Variants in SLC25A44 observed in about 807,000 individuals in gnomAD.
The protein encoded by SLC25A44 is solute carrier family 25 member 44.
In SLC25A44, 17 loss-of-function variants were observed where a neutral mutation model predicts 29.9. The ratio of observed to expected loss-of-function variants is 0.57; its 90% CI spans 0.39 to 0.85. The LOEUF (loss-of-function observed/expected upper bound fraction) is 0.85. Among genes scored for constraint, SLC25A44 ranks in the 40% least tolerant of loss-of-function variants. The probability of loss-of-function intolerance (pLI) is 0.00; values close to 1 mark genes in which losing one functional copy is unlikely to be tolerated. For missense variants in SLC25A44, 302 were observed against 398.4 expected, an observed-to-expected ratio of 0.76 and a Z score of 2.06; for synonymous variants, 140 against 151.8, an observed-to-expected ratio of 0.92 and a Z score of 0.57.
intron 2 of SLC25A44, among the ~76,000 whole-genome samples, chr1:156,200,770 T>G (rs1202073597): frequency 6.6e-6 from 1 of 151,880 alleles, no homozygotes; most frequent in Non-Finnish European, 1.5e-5. Flanking sequence ...CCATGGGATG[T>G]TTAGGATTTG....
chr1:156,200,905 G>GGCTCA (rs1459923989), intron 2 of SLC25A44, among the ~76,000 whole-genome samples: 2 of 133,474 alleles, frequency 1.5e-5, no homozygotes, highest in African/African-American at 5.5e-5. Context: ...GTGAGATCTT[G>GGCTCA]GCTCACTGCA....
chr1:156,201,786 C>T (rs1656600968), intron 2 of SLC25A44, among the ~76,000 whole-genome samples: 2 of 152,130 alleles, frequency 1.3e-5, no homozygotes, highest in South Asian at 2.1e-4. Context: ...TCTACCCTGA[C>T]CCTTTAATGT....
At chr1:156,195,526 G>T (rs2984615) in intron 1 of SLC25A44, among the ~76,000 whole-genome samples, 1 of 152,040 alleles carries the variant, frequency 6.6e-6, no homozygotes, top group East Asian at 1.9e-4. Flanking sequence ...ATTTCCGGTT[G>T]CGGCAGTACC....
chr1:156,194,166 A>G lies in SLC25A44; in HGVS notation c.-95A>G, dbSNP rs79014111. On this transcript the variant is annotated 5_prime_UTR_variant, in exon 1 of 4. Transcript: ENST00000359511. Reference sequence around the variant, plus strand: ...CGGCAGACGGCATTCGCTGGGAACGACGGATAGACTGGGGGCTGCGGCCTA... The same window carrying G: ...CGGCAGACGGCATTCGCTGGGAACGGCGGATAGACTGGGGGCTGCGGCCTA... The G allele has an allele frequency of 3.0e-3, 466 of 152,910 alleles. 3 individuals are homozygous for G. The highest frequency in any genetic ancestry group is 0.014 in the East Asian group (75 of 5,316). The allele number at this position is 152,910 out of a possible 1,614,324, so 9.5% of individuals were successfully genotyped here. A position where few individuals can be genotyped will look rare whatever the true frequency, so the allele number is the denominator to read the frequency against.
intron 1 of SLC25A44, chr1:156,199,536 G>A: frequency 2.6e-6 from 1 of 383,858 alleles, no homozygotes; most frequent in Non-Finnish European, 4.7e-6. Context: ...TGTAAGCTGG[G>A]GTAGGGAGCC....
At chr1:156,195,035 A>T (rs1280463036) in intron 1 of SLC25A44, among the ~76,000 whole-genome samples, 1 of 152,084 alleles carries the variant, frequency 6.6e-6, no homozygotes, top group Non-Finnish European at 1.5e-5. Context: ...ACTTTCTGTA[A>T]TGATAATGCT....
intron 2 of SLC25A44, among the ~76,000 whole-genome samples, chr1:156,207,216 C>T (rs1296889511): frequency 6.7e-6 from 1 of 148,406 alleles, no homozygotes; most frequent in East Asian, 2.0e-4. Context: ...CTTGCTCTGT[C>T]GCCCAGGCTG....
In SLC25A44 at chr1:156,200,355, A is replaced by C; in HGVS notation, c.508A>C (p.Ile170Leu). Residue 170 changes from isoleucine (I) to leucine (L), a missense_variant, in exon 2 of 4, where the codon ATC becomes CTC. By Grantham distance (5) the Ile-to-Leu change is conservative. Transcript: ENST00000359511. ...TGCCTTTGGCCAAACCAAGGACATC[A>C]TCAGGCAGATCCTGCAGGCTGATGG... The part of the protein sequence containing the change: ...VVAFGQTKDI[I>L]RQILQADGLR... 1 of 1,614,148 alleles carries C rather than the reference A, an allele frequency of 6.2e-7. No homozygotes were observed. Among genetic ancestry groups the C allele is most frequent in the Non-Finnish European group, 8.5e-7 (1 of 1,180,028 alleles).
Position 156,207,986 on chromosome 1 carries a change from C to T in SLC25A44, c.726C>T (p.Pro242=). 3.1e-6 allele frequency: 5 copies of T among 1,614,164 alleles called. No individual in the cohort carries two copies. Among genetic ancestry groups the T allele is most frequent in the Middle Eastern group, 1.6e-4 (1 of 6,062 alleles). Residue 242 remains proline (P), a synonymous_variant, in exon 3 of 4, where the codon CCC becomes CCT. Transcript: ENST00000359511. The part of the protein sequence containing the change: ...AAATASILTN[P]MDVIRTRVQV... ...CCACTGCCTCCATCCTCACCAATCC[C>T]ATGGATGTCATACGAACCCGTGTGC...
rs1656444613 is a variant in SLC25A44 at position 156,199,890 on chromosome 1, C to T, written c.43C>T (p.Leu15=). 1.2e-6 allele frequency: 2 copies of T among 1,614,036 alleles called. No homozygotes were observed. The highest frequency in any genetic ancestry group is 2.2e-5 in the East Asian group (1 of 44,896). ...RNIQIIEWEH[L]DKKKFYVFGV... Reference sequence around the variant, plus strand: ...CATCCAGATCATCGAGTGGGAACACCTGGACAAGAAGAAGTTCTACGTGTT... The same window carrying T: ...CATCCAGATCATCGAGTGGGAACACTTGGACAAGAAGAAGTTCTACGTGTT... Residue 15 remains leucine, a synonymous_variant, in exon 2 of 4, where the codon CTG becomes TTG. Coordinates refer to ENST00000359511, the MANE Select transcript of SLC25A44 (RefSeq NM_014655.4).
chr1:156,199,635 A>G (rs2103035293), intron 1 of SLC25A44, 200 bp from the exon 2 acceptor site: 1 of 569,024 alleles, frequency 1.8e-6, no homozygotes, highest in Admixed American at 3.3e-5. Flanking sequence ...GCCAAGGACC[A>G]AGAAGGGGAC....
In SLC25A44 at chr1:156,200,435, C is replaced by T. The variant is rs1254598388; in HGVS notation, c.588C>T (p.Asn196=). 2 of 1,612,848 alleles carry T rather than the reference C, an allele frequency of 1.2e-6. No homozygotes were observed. The highest frequency in any genetic ancestry group is 1.1e-5 in the South Asian group (1 of 91,052). The part of the protein sequence containing the change: ...YVASLLTYIP[N]SAVWWPFYHF... ...CTTCACTGCTTACCTATATCCCAAA[C>T]AGTGCTGTCTGGTGGCCCTTCTATC... The change falls in exon 2 of 4, where the codon AAC becomes AAT. Residue 196 remains asparagine, a synonymous_variant. Coordinates refer to ENST00000359511, the MANE Select transcript of SLC25A44 (RefSeq NM_014655.4).
chr1:156,209,783 C>T (rs1657174786), intron 3 of SLC25A44, among the ~76,000 whole-genome samples: 1 of 152,078 alleles, frequency 6.6e-6, no homozygotes. Flanking sequence ...GAGGATTTAA[C>T]CCAGCCTCCC....
intron 3 of SLC25A44, 116 bp downstream of exon 3, chr1:156,208,129 C>A: frequency 1.1e-6 from 1 of 880,502 alleles, no homozygotes; most frequent in Non-Finnish European, 1.8e-6. Context: ...TCCAGTCAGT[C>A]TTCTCCTGAA....
intron 1 of SLC25A44, among the ~76,000 whole-genome samples, chr1:156,194,830 G>GGT (rs1656106296): frequency 6.6e-6 from 1 of 152,118 alleles, no homozygotes; most frequent in African/African-American, 2.4e-5. Context: ...GGGACCCATG[G>GGT]GTGTCTTGTC....
chr1:156,201,823 C>T lies in SLC25A44; in HGVS notation c.625+1351C>T, dbSNP rs528094146. On this transcript the variant is annotated intron_variant, in intron 2 of 3. Coordinates refer to ENST00000359511, the MANE Select transcript of SLC25A44 (RefSeq NM_014655.4). ...AAAAAAGCTTCCCAGGAAATGTGAG[C>T]ATTTTCTCTGGAGCCTGTCTTTAGC... is the stretch of plus-strand genomic sequence containing the variant. Among the ~76,000 whole-genome samples the T allele has an allele frequency of 4.6e-5, 7 of 152,240 alleles. No homozygotes were observed. The South Asian group carries it at 1.5e-3, about 32-fold the overall frequency.
chr1:156,209,096 A>G (rs773694425), intron 3 of SLC25A44, among the ~76,000 whole-genome samples: 2 of 152,202 alleles, frequency 1.3e-5, no homozygotes, highest in South Asian at 4.1e-4. Flanking sequence ...AGTAACAAAT[A>G]TAGGTATTTT....
chr1:156,199,113 G>A, intron 1 of SLC25A44: 1 of 152,394 alleles, frequency 6.6e-6, no homozygotes, highest in Non-Finnish European at 1.5e-5. Flanking sequence ...AGCCCCACTT[G>A]CCCTCTCCTC....
Position 156,210,470 on chromosome 1 carries a change from C to T in SLC25A44, c.*39C>T. 4 of 1,477,278 alleles carry T rather than the reference C, an allele frequency of 2.7e-6. No individual in the cohort carries two copies. The highest frequency in any genetic ancestry group is 3.7e-6 in the Non-Finnish European group (4 of 1,094,948). The allele number at this position is 1,477,278 out of a possible 1,614,324, so 91.5% of individuals were successfully genotyped here. ...GAGAAGCCTGCTGTTTTCCACACTA[C>T]CGTGGGTCAGGGGCAGAGTGGAGAG... On this transcript the variant is annotated 3_prime_UTR_variant, in exon 4 of 4. Coordinates refer to ENST00000359511, the MANE Select transcript of SLC25A44 (RefSeq NM_014655.4).
Sources: allele counts gnomAD v4.1 joint callset (sites outside exome capture counted in the v4.1 genomes callset), GRCh38; gene constraint gnomAD v4.1.1; transcripts MANE v1.5; gene names NCBI Gene and HGNC (gene_info 2026-07-23, HGNC 2026-07-21).